The following NSD2 variants were observed in gnomAD, a reference collection of about 807,000 sequenced individuals.
The protein encoded by NSD2 is nuclear receptor binding SET domain protein 2.
A neutral mutation model predicts 139.0 loss-of-function variants in NSD2; 12 were observed. The ratio of observed to expected loss-of-function variants is 0.09; its 90% confidence interval spans 0.06 to 0.14. The LOEUF (loss-of-function observed/expected upper bound fraction) is 0.14. Among genes scored for constraint, NSD2 ranks in the 10% least tolerant of loss-of-function variants. NSD2 has a pLI of 1.00. For synonymous variants in NSD2, 669 were observed against 648.7 expected (o/e 1.03, Z -0.48); for missense variants, 1,155 against 1,745.0 (o/e 0.66, Z 6.02).
At chr4:1,872,318 T>G (rs1277711276) in intron 1 of NSD2, among the ~76,000 whole-genome samples, 1 of 152,150 alleles carries the variant, frequency 6.6e-6, no homozygotes, top group Admixed American at 6.5e-5. Flanking sequence ...CCTCAGTGCA[T>G]GAGATGGGAC....
At chr4:1,901,900 G>T (rs1485936451) in intron 2 of NSD2, among the ~76,000 whole-genome samples, 1 of 152,200 alleles carries the variant, frequency 6.6e-6, no homozygotes, top group Non-Finnish European at 1.5e-5. Context: ...CCTAACTTGC[G>T]ATGGAAAGGT....
rs1723827519 is a variant in NSD2, at chr4:1,948,130, G to A, written c.1882-2942G>A. ...TACTATCTTATTCTGAGTAGAGAGTGGAGAAAGTATTTTCAGACTGAAGAA... is the reference window on the plus strand; with the variant it reads ...TACTATCTTATTCTGAGTAGAGAGTAGAGAAAGTATTTTCAGACTGAAGAA... On this transcript the variant is annotated intron_variant, in intron 9 of 21. Transcript: ENST00000508803. This position sits in a 1 kb window ranked among gnomAD's most constrained non-coding sequence, Gnocchi z 4.5. The A allele has an allele frequency of 9.4e-7, 1 of 1,060,984 alleles. No individual in the cohort carries two copies. The highest frequency in any genetic ancestry group is 1.1e-6 in the Non-Finnish European group (1 of 876,332). 65.7% of individuals were successfully genotyped at this position (1,060,984 alleles called of 1,614,324 possible).
intron 1 of NSD2, among the ~76,000 whole-genome samples, chr4:1,882,688 C>G (rs568580622): frequency 6.6e-6 from 1 of 151,988 alleles, no homozygotes; most frequent in African/African-American, 2.4e-5. Flanking sequence ...ACAACAACAA[C>G]AAAAAACTGG....
chr4:1,891,655 A>G (rs909602217), intron 1 of NSD2, among the ~76,000 whole-genome samples: 1 of 152,198 alleles, frequency 6.6e-6, no homozygotes, highest in East Asian at 1.9e-4. Context: ...GATCGAGACC[A>G]TCCTGGCTAA....
At chr4:1,908,934 CACCA>C in intron 3 of NSD2, among the ~76,000 whole-genome samples, 1 of 152,150 alleles carries the variant, frequency 6.6e-6, no homozygotes, top group Non-Finnish European at 1.5e-5. Flanking sequence ...AAGTGTGAGC[CACCA>C]TACCTGTCCC....
intron 1 of NSD2, among the ~76,000 whole-genome samples, chr4:1,887,174 CCATGGGCTT>C (rs2108688745): frequency 6.6e-6 from 1 of 152,270 alleles, no homozygotes; most frequent in African/African-American, 2.4e-5. Context: ...GGACTTTTGG[CCATGGGCTT>C]CATTCTTCCC....
intron 1 of NSD2, among the ~76,000 whole-genome samples, chr4:1,878,888 G>A (rs1044832611): frequency 3.3e-5 from 5 of 152,158 alleles, no homozygotes; most frequent in African/African-American, 9.7e-5. Context: ...AGCATTGCCC[G>A]GACTGGGCCA....
chr4:1,878,567 T>C (rs1388377685), intron 1 of NSD2, among the ~76,000 whole-genome samples: 1 of 152,088 alleles, frequency 6.6e-6, no homozygotes, highest in African/African-American at 2.4e-5. Context: ...CTTGCTGTCA[T>C]GTCCTCAGCA....
rs1328957911 is a variant in NSD2, at chr4:1,951,062, T to A, written c.1882-10T>A. On this transcript the variant is annotated splice_polypyrimidine_tract_variant and intron_variant, in intron 9 of 21. Transcript: ENST00000508803. ...ACTAGTGAACTGTCATCCGCCTCCTTCATCTCTAGGTCTCGGACAGCCCGG... is the reference window on the plus strand; with the variant it reads ...ACTAGTGAACTGTCATCCGCCTCCTACATCTCTAGGTCTCGGACAGCCCGG... The A allele has an allele frequency of 6.2e-7, 1 of 1,613,900 alleles. No individual in the cohort carries two copies. Among genetic ancestry groups the A allele is most frequent in the Non-Finnish European group, 8.5e-7 (1 of 1,179,890 alleles).
rs1252334226 is a variant in NSD2, at chr4:1,934,868, AAAAAAAAAAAATATAT to A, written c.1556-274_1556-259del. On this transcript the variant is annotated intron_variant, in intron 6 of 21. Transcript: ENST00000508803. Reference sequence around the variant, plus strand: ...ATCTTAAAAAAAAAAAAAAAAAAAAAAAAAAAAAAAATATATATATATATATATATATATATATATA... The same window carrying A: ...ATCTTAAAAAAAAAAAAAAAAAAAAAATATATATATATATATATATATATA... 9.1e-4 allele frequency among the ~76,000 whole-genome samples: 86 copies of A among 94,174 alleles called. No homozygotes were observed. In the Middle Eastern group the frequency reaches 0.018, roughly 20 times the overall value. 61.8% of individuals were successfully genotyped at this position (94,174 alleles called of 152,430 possible). A position where few individuals can be genotyped will look rare whatever the true frequency, so the allele number is the denominator to read the frequency against.
intron 8 of NSD2, 47 bp downstream of exon 8, chr4:1,938,579 CTGGGCTGGGTGGG>C: frequency 1.8e-6 from 1 of 543,082 alleles, no homozygotes; most frequent in Non-Finnish European, 3.4e-6. Flanking sequence ...GGTGCCCAGG[CTGGGCTGGGTGGG>C]TGGGCTGAGA....
Position 1,979,022 on chromosome 4 carries a change from C to G in NSD2, c.*113C>G. On this transcript the variant is annotated 3_prime_UTR_variant, in exon 22 of 22. Transcript: ENST00000508803. ...GGACCCAGCTCGAGCCGCCAGGACA[C>G]AGACGTACAGGCCTCCTCGGGAGGG... 6 of 1,342,184 alleles carry G rather than the reference C, an allele frequency of 4.5e-6. No individual in the cohort carries two copies. The highest frequency in any genetic ancestry group is 5.9e-6 in the Non-Finnish European group (6 of 1,019,080). The allele number at this position is 1,342,184 out of a possible 1,614,324, so 83.1% of individuals were successfully genotyped here.
intron 18 of NSD2, among the ~76,000 whole-genome samples, chr4:1,965,406 C>A (rs1191183161): frequency 2.0e-5 from 3 of 152,286 alleles, no homozygotes; most frequent in East Asian, 3.9e-4. Flanking sequence ...ACCAATATAT[C>A]TATTGTGGGA....
At position 1,956,202 on chromosome 4, in the gene NSD2, C is replaced by T. The variant is rs1560760912; in HGVS notation, c.2881+14C>T. ...TCTTCAAAAACGGTACGGAGATATT[C>T]AGATAGAGAGTGAGACAGCACTCTC... On this transcript the variant is annotated intron_variant, in intron 15 of 21. Coordinates refer to ENST00000508803, the MANE Select transcript of NSD2 (RefSeq NM_001042424.3). This position sits in a 1 kb window ranked among gnomAD's most constrained non-coding sequence, Gnocchi z 5.3. The T allele has an allele frequency of 6.3e-7, 1 of 1,581,314 alleles. No homozygotes were observed. Among genetic ancestry groups the T allele is most frequent in the South Asian group, 1.2e-5 (1 of 86,714 alleles).
chr4:1,903,238 G>A (rs190858669), intron 2 of NSD2, among the ~76,000 whole-genome samples: 1 of 152,230 alleles, frequency 6.6e-6, no homozygotes, highest in Non-Finnish European at 1.5e-5. Context: ...GTGCTCTTGA[G>A]CAAGGCTAGA....
At chr4:1,953,927 C>T (rs971870198) in intron 12 of NSD2, among the ~76,000 whole-genome samples, 2 of 151,828 alleles carry the variant, frequency 1.3e-5, no homozygotes, top group African/African-American at 4.8e-5. Context: ...CCTCCTGCCT[C>T]AGCCTCCTGA....
intron 17 of NSD2, among the ~76,000 whole-genome samples, chr4:1,960,251 A>C (rs1258393484): frequency 6.6e-6 from 1 of 152,218 alleles, no homozygotes; most frequent in East Asian, 1.9e-4. Context: ...CCCTTAAAAC[A>C]TGCCTTATGT....
chr4:1,900,652 T>C lies in NSD2; in HGVS notation c.-3T>C. On this transcript the variant is annotated 5_prime_UTR_variant, in exon 2 of 22. Coordinates refer to ENST00000508803, the MANE Select transcript of NSD2 (RefSeq NM_001042424.3). ...GTTCTAAGAACGGAAGCATCTGGGCTGGATGGAATTTAGCATCAAGCAGAG... is the reference window on the plus strand; with the variant it reads ...GTTCTAAGAACGGAAGCATCTGGGCCGGATGGAATTTAGCATCAAGCAGAG... The C allele has an allele frequency of 1.3e-6, 2 of 1,567,306 alleles. No individual in the cohort carries two copies. The highest frequency in any genetic ancestry group is 1.7e-6 in the Non-Finnish European group (2 of 1,156,670).
intron 3 of NSD2, among the ~76,000 whole-genome samples, chr4:1,913,093 C>T (rs1054945119): frequency 6.6e-6 from 1 of 152,208 alleles, no homozygotes; most frequent in African/African-American, 2.4e-5. Context: ...CTCTGTTCTA[C>T]AATTATAACC....
Sources: allele counts gnomAD v4.1 joint callset (sites outside exome capture counted in the v4.1 genomes callset), GRCh38; gene constraint gnomAD v4.1.1; non-coding constraint Gnocchi (gnomAD v3.1); transcripts MANE v1.5; gene names NCBI Gene and HGNC (gene_info 2026-07-23, HGNC 2026-07-21).